Variants in NTF3 observed in about 807,000 individuals in gnomAD.
The protein encoded by NTF3 is neurotrophin 3, also known as neurotrophin-3.
Under a neutral mutation model 26.3 loss-of-function variants are expected in NTF3, and 8 were observed. The observed-to-expected ratio is 0.30, with a 90% CI of 0.18 to 0.55. The LOEUF is 0.55. NTF3 is among the 20% of genes least tolerant of loss of function. The probability of loss-of-function intolerance (pLI) is 0.93; values close to 1 mark genes in which losing one functional copy is unlikely to be tolerated. For missense variants in NTF3, 276 were observed against 352.9 expected (o/e 0.78, Z 1.75); for synonymous variants, 154 against 145.5 (o/e 1.06, Z -0.42).
intron 1 of NTF3, among the ~76,000 whole-genome samples, chr12:5,461,121 GGA>G (rs1940519579): frequency 6.6e-6 from 1 of 152,208 alleles, no homozygotes; most frequent in Non-Finnish European, 1.5e-5. Flanking sequence ...ACATGTGAAG[GGA>G]GTTTTGAAGT....
At chr12:5,468,453 C>T (rs113661540) in intron 1 of NTF3, among the ~76,000 whole-genome samples, 1,605 of 152,154 alleles carry the variant, frequency 0.011, 35 homozygotes, top group African/African-American at 0.035. Flanking sequence ...TTGTATCCAG[C>T]GAGGGGGCAT....
At chr12:5,489,778 T>C (rs1201955600) in intron 1 of NTF3, among the ~76,000 whole-genome samples, 1 of 152,184 alleles carries the variant, frequency 6.6e-6, no homozygotes, top group Non-Finnish European at 1.5e-5. Flanking sequence ...CGCAGGTTGC[T>C]GGGGGCTCAG....
At chr12:5,460,028 AG>A (rs1940506918) in intron 1 of NTF3, among the ~76,000 whole-genome samples, 1 of 152,184 alleles carries the variant, frequency 6.6e-6, no homozygotes, top group African/African-American at 2.4e-5. Flanking sequence ...TAAAATTAAT[AG>A]TCTTCAATTT....
In NTF3 at chr12:5,494,620, C is replaced by T; in HGVS notation, c.445C>T (p.Arg149Trp). 1 of 1,614,040 alleles carries T rather than the reference C, an allele frequency of 6.2e-7. No individual in the cohort carries two copies. The highest frequency in any genetic ancestry group is 8.5e-7 in the Non-Finnish European group (1 of 1,180,022). Residue 149 changes from arginine to tryptophan, a missense_variant, in exon 2 of 2, where the codon CGG becomes TGG. By Grantham distance (101) the Arg-to-Trp change is moderately radical. Around this residue, in one of 3 missense-constraint regions of NTF3, gnomAD observed 221 missense variants for 258.2 expected, o/e 0.86. Coordinates refer to ENST00000423158, the MANE Select transcript of NTF3 (RefSeq NM_001102654.2). This position sits in a 1 kb window ranked among gnomAD's most constrained non-coding sequence, Gnocchi z 8.3. Reference sequence around the variant, plus strand: ...CGTGGTGGCGAACAGAACATCACGGCGGAAACGGTACGCGGAGCATAAGAG... The same window carrying T: ...CGTGGTGGCGAACAGAACATCACGGTGGAAACGGTACGCGGAGCATAAGAG... Reference protein sequence around the residue: ...SPVVANRTSRRKRYAEHKSHR... With the variant: ...SPVVANRTSRWKRYAEHKSHR...
At chr12:5,481,770 GAC>G (rs1306710668) in intron 1 of NTF3, among the ~76,000 whole-genome samples, 1 of 128,786 alleles carries the variant, frequency 7.8e-6, no homozygotes, top group Admixed American at 7.8e-5. Flanking sequence ...ACCATACAGA[GAC>G]ACACTCACAC....
intron 1 of NTF3, 148 bp downstream of exon 1, chr12:5,432,490 C>T (rs1940105265): frequency 1.1e-6 from 1 of 929,282 alleles, no homozygotes; most frequent in Non-Finnish European, 1.6e-6. Context: ...CTTTCCCGGG[C>T]TTGTGTCTTC....
chr12:5,442,481 G>A (rs918541962), intron 1 of NTF3, among the ~76,000 whole-genome samples: 3 of 152,108 alleles, frequency 2.0e-5, no homozygotes, highest in East Asian at 1.9e-4. Context: ...ATCCCTGCTC[G>A]TGGCATGGTG....
chr12:5,478,439 T>A (rs1022137551), intron 1 of NTF3, among the ~76,000 whole-genome samples: 2 of 152,062 alleles, frequency 1.3e-5, no homozygotes, highest in African/African-American at 4.8e-5. Context: ...ATAAAAAGAA[T>A]GTCCAGACCC....
At chr12:5,483,430 C>T (rs1364917285) in intron 1 of NTF3, among the ~76,000 whole-genome samples, 1 of 152,134 alleles carries the variant, frequency 6.6e-6, no homozygotes. Flanking sequence ...TCCTAGAGAT[C>T]CACTGTAGAT....
chr12:5,454,472 G>C (rs1177478865), intron 1 of NTF3, among the ~76,000 whole-genome samples: 1 of 152,176 alleles, frequency 6.6e-6, no homozygotes, highest in East Asian at 1.9e-4. Flanking sequence ...CTTGGTGGTA[G>C]ACACAATTCA....
chr12:5,489,907 T>A (rs1166893411), intron 1 of NTF3, among the ~76,000 whole-genome samples: 3 of 152,218 alleles, frequency 2.0e-5, no homozygotes, highest in Admixed American at 1.3e-4. Flanking sequence ...AATTGCTCTC[T>A]TTTGAGTATT....
At chr12:5,445,522 T>C (rs1304537980) in intron 1 of NTF3, among the ~76,000 whole-genome samples, 3 of 152,196 alleles carry the variant, frequency 2.0e-5, no homozygotes, top group African/African-American at 2.4e-5. Flanking sequence ...TGAATACTCC[T>C]TGGCAAAGCC....
chr12:5,478,519 G>T (rs1940751091), intron 1 of NTF3, among the ~76,000 whole-genome samples: 1 of 152,234 alleles, frequency 6.6e-6, no homozygotes, highest in African/African-American at 2.4e-5. Flanking sequence ...ATTGTGGTGA[G>T]GGTCACTCAT....
At chr12:5,438,500 G>T (rs1334280680) in intron 1 of NTF3, among the ~76,000 whole-genome samples, 1 of 152,212 alleles carries the variant, frequency 6.6e-6, no homozygotes, top group East Asian at 1.9e-4. Flanking sequence ...ATTTCGTGTG[G>T]TCTGTTGTGA....
intron 1 of NTF3, among the ~76,000 whole-genome samples, chr12:5,482,969 CT>C (rs1316897542): frequency 6.6e-6 from 1 of 151,778 alleles, no homozygotes; most frequent in Non-Finnish European, 1.5e-5. Context: ...CTCCCTATCT[CT>C]GTTTCTCTGT....
chr12:5,491,716 CTTTTTT>C (rs5796156), intron 1 of NTF3, among the ~76,000 whole-genome samples: 1 of 98,250 alleles, frequency 1.0e-5, no homozygotes, highest in African/African-American at 4.0e-5. Flanking sequence ...CTCTCCTCTT[CTTTTTT>C]TTTTTTTTTT....
chr12:5,487,288 C>T (rs7301972), intron 1 of NTF3, among the ~76,000 whole-genome samples: 59,384 of 152,122 alleles, frequency 0.39, 11,954 homozygotes, highest in South Asian at 0.51. Context: ...CCATCTTTTA[C>T]GGCCTCGGGG....
At chr12:5,477,085 T>G (rs376077427) in intron 1 of NTF3, among the ~76,000 whole-genome samples, 177 of 152,342 alleles carry the variant, frequency 1.2e-3, no homozygotes, top group Middle Eastern at 6.8e-3. Context: ...AAAGGGTGTC[T>G]GTAATCACAG....
intron 1 of NTF3, among the ~76,000 whole-genome samples, chr12:5,478,073 A>C (rs1208377231): frequency 6.6e-6 from 1 of 152,240 alleles, no homozygotes; most frequent in Non-Finnish European, 1.5e-5. Flanking sequence ...CTGTGCTTTA[A>C]GCTAAAACTA....
Sources: allele counts gnomAD v4.1 joint callset (sites outside exome capture counted in the v4.1 genomes callset), GRCh38; gene constraint gnomAD v4.1.1; regional missense constraint gnomAD v4.1.1; non-coding constraint Gnocchi (gnomAD v3.1); transcripts MANE v1.5; gene names NCBI Gene and HGNC (gene_info 2026-07-23, HGNC 2026-07-21).